The following KMT2E variants were observed in gnomAD, a reference collection of about 807,000 sequenced individuals.
The protein encoded by KMT2E is lysine methyltransferase 2E (inactive), also known as histone reader KMT2E.
In KMT2E, 30 loss-of-function variants were observed where a neutral mutation model predicts 184.6. The observed-to-expected ratio is 0.16, with a 90% CI of 0.12 to 0.22. The LOEUF (loss-of-function observed/expected upper bound fraction) is 0.22, where lower values mean the gene tolerates loss of function less well. Ranked by LOEUF, KMT2E falls within the 10% of genes least tolerant of loss-of-function variation. The pLI is 1.00. For missense variants in KMT2E, 2,023 were observed against 2,237.4 expected, an observed-to-expected ratio of 0.90 and a Z score of 1.93; for synonymous variants, 815 against 776.5, an observed-to-expected ratio of 1.05 and a Z score of -0.82.
chr7:105,059,288 T>C (rs1796696221), intron 3 of KMT2E, among the ~76,000 whole-genome samples: 1 of 152,188 alleles, frequency 6.6e-6, no homozygotes, highest in South Asian at 2.1e-4. Flanking sequence ...TGATCTAAAT[T>C]TTTAAGAGTG....
rs1338921799 is a variant in KMT2E, at chr7:105,077,057, A to G, written c.863A>G (p.Asn288Ser). 1 of 1,614,022 alleles carries G rather than the reference A, an allele frequency of 6.2e-7. No homozygotes were observed. The highest frequency in any genetic ancestry group is 1.1e-5 in the South Asian group (1 of 91,062). Residue 288 changes from asparagine (N) to serine (S), a missense_variant, in exon 10 of 27, where the codon AAT becomes AGT. Physicochemically the swap from Asn to Ser is conservative, Grantham distance 46. Transcript: ENST00000311117. Reference sequence around the variant, plus strand: ...TGGATGGATCGATATGAAGAAGCAAATAACAACCAGTACAGTGAGGGTGTT... The same window carrying G: ...TGGATGGATCGATATGAAGAAGCAAGTAACAACCAGTACAGTGAGGGTGTT... ...KAWMDRYEEA[N>S]NNQYSEGVQR...
chr7:105,073,178 G>A (rs934064335), intron 6 of KMT2E, among the ~76,000 whole-genome samples: 1 of 151,486 alleles, frequency 6.6e-6, no homozygotes, highest in African/African-American at 2.4e-5. Context: ...GGAGGCAGGG[G>A]TGGGAGGATC....
intron 3 of KMT2E, among the ~76,000 whole-genome samples, chr7:105,053,206 T>C (rs1253203855): frequency 1.3e-5 from 2 of 152,162 alleles, no homozygotes; most frequent in African/African-American, 4.8e-5. Context: ...ATTAGGAAAC[T>C]GGCAGAATTA....
intron 13 of KMT2E, among the ~76,000 whole-genome samples, chr7:105,088,774 C>T (rs1798087152): frequency 6.6e-6 from 1 of 152,196 alleles, no homozygotes; most frequent in Non-Finnish European, 1.5e-5. Context: ...GTTTTAATCT[C>T]ACTTGTAAAA....
intron 10 of KMT2E, 35 bp downstream of exon 10, chr7:105,077,228 G>A (rs367957158): frequency 2.5e-6 from 4 of 1,603,250 alleles, no homozygotes; most frequent in African/African-American, 2.7e-5. Flanking sequence ...TTGTAAAGCA[G>A]TTTTATATTG....
chr7:105,092,392 A>T (rs138324323), intron 15 of KMT2E, among the ~76,000 whole-genome samples: 61 of 151,762 alleles, frequency 4.0e-4, no homozygotes, highest in Non-Finnish European at 7.7e-4. Context: ...ACAGAGCAAG[A>T]CTCCATCTCC....
Position 105,106,634 on chromosome 7 carries a change from T to C in KMT2E, c.2709T>C (p.Ile903=). The change falls in exon 20 of 27, where the codon ATT becomes ATC. Residue 903 remains isoleucine (I), a synonymous_variant. Transcript: ENST00000311117. ...ATGCTACACCAACTCACACCGATAT[T>C]ACTCCTATGGACCCATCTTTTGCCA... ...SPYATPTHTD[I]TPMDPSFATP... 6.2e-7 allele frequency: 1 copy of C among 1,614,138 alleles called. No homozygotes were observed.
At chr7:105,079,829 CATT>C (rs111633846) in intron 12 of KMT2E, among the ~76,000 whole-genome samples, 84,739 of 146,526 alleles carry the variant, frequency 0.58, 25,981 homozygotes, top group East Asian at 0.92. Context: ...CTTTTTAAAT[CATT>C]ATTATTATTA....
intron 12 of KMT2E, among the ~76,000 whole-genome samples, chr7:105,080,229 T>G (rs1797707707): frequency 6.6e-6 from 1 of 152,206 alleles, no homozygotes; most frequent in African/African-American, 2.4e-5. Flanking sequence ...ATGACAAAGC[T>G]AAAATCTAAA....
rs1393167977 is a variant in KMT2E at position 105,080,785 on chromosome 7, T to C, written c.1249-903T>C. Among the ~76,000 whole-genome samples the C allele has an allele frequency of 3.6e-4, 54 of 150,740 alleles. 1 individual carries two copies. Among genetic ancestry groups the C allele is most frequent in the Admixed American group, 3.4e-3 (51 of 15,116 alleles). On this transcript the variant is annotated intron_variant, in intron 12 of 26. Transcript: ENST00000311117. ...CAGCACTTTGGGAGGCCAAAGTGGG[T>C]GGATCACCTGAGGTCAGGAGTTCAA...
intron 3 of KMT2E, among the ~76,000 whole-genome samples, chr7:105,061,723 A>G (rs956753876): frequency 2.6e-5 from 4 of 152,064 alleles, no homozygotes; most frequent in Admixed American, 2.6e-4. Context: ...TTATTATATT[A>G]ATATCTGGTC....
intron 3 of KMT2E, among the ~76,000 whole-genome samples, chr7:105,052,396 G>A (rs575451488): frequency 3.3e-5 from 5 of 151,972 alleles, no homozygotes; most frequent in East Asian, 1.9e-4. Context: ...CATTGCTGCC[G>A]TGCTTTATAT....
intron 3 of KMT2E, among the ~76,000 whole-genome samples, chr7:105,042,101 A>C (rs1391463100): frequency 6.6e-6 from 1 of 152,162 alleles, no homozygotes; most frequent in African/African-American, 2.4e-5. Flanking sequence ...AGGGATTCTC[A>C]TGTCTTAGCC....
At chr7:105,104,240 G>A (rs996332397) in intron 17 of KMT2E, 5 of 152,050 alleles carry the variant, frequency 3.3e-5, no homozygotes, top group African/African-American at 1.2e-4. Flanking sequence ...TCAGGGTCAG[G>A]TATATTCATA....
intron 15 of KMT2E, among the ~76,000 whole-genome samples, chr7:105,099,849 G>A (rs1321658107): frequency 6.6e-6 from 1 of 152,162 alleles, no homozygotes; most frequent in African/African-American, 2.4e-5. Context: ...GTAAAGCGCA[G>A]TTTGGGAAAA....
At chr7:105,086,114 T>C (rs1439394799) in intron 13 of KMT2E, among the ~76,000 whole-genome samples, 2 of 152,242 alleles carry the variant, frequency 1.3e-5, no homozygotes, top group African/African-American at 4.8e-5. Flanking sequence ...TACGTGAGAT[T>C]AACCTGCATT....
At chr7:105,037,370 T>A (rs1219338172) in intron 1 of KMT2E, among the ~76,000 whole-genome samples, 1 of 151,924 alleles carries the variant, frequency 6.6e-6, no homozygotes, top group Non-Finnish European at 1.5e-5. Flanking sequence ...CTTTTTTTTG[T>A]TGTTTTTTTT....
chr7:105,045,009 G>A (rs903843924), intron 3 of KMT2E, among the ~76,000 whole-genome samples: 11 of 152,174 alleles, frequency 7.2e-5, no homozygotes, highest in Admixed American at 4.6e-4. Context: ...TGACTCATTT[G>A]GATTAAGTCT....
chr7:105,112,738 C>T lies in KMT2E; in HGVS notation c.4982C>T (p.Ala1661Val), dbSNP rs746804446. The stretch of plus-strand genomic sequence containing the variant: ...GCACATGTAGTAGGGCCTGTTCATG[C>T]GGTCACCCCTGGGTCGCATATTCAT... The part of the protein sequence containing the change: ...SVAHVVGPVH[A>V]VTPGSHIHSQ... The change falls in exon 27 of 27, where the codon GCG becomes GTG. Residue 1661 changes from alanine (A) to valine (V), a missense_variant. Transcript: ENST00000311117. 1.4e-5 allele frequency: 22 copies of T among 1,613,684 alleles called. No individual in the cohort carries two copies. Among genetic ancestry groups the T allele is most frequent in the South Asian group, 3.3e-5 (3 of 91,048 alleles).
Sources: allele counts gnomAD v4.1 joint callset (sites outside exome capture counted in the v4.1 genomes callset), GRCh38; gene constraint gnomAD v4.1.1; transcripts MANE v1.5; gene names NCBI Gene and HGNC (gene_info 2026-07-23, HGNC 2026-07-21).